MAML2: variants seen among roughly 807,000 people sequenced by gnomAD.
MAML2 encodes the protein mastermind-like protein 2.
MAML2 carries 22 observed loss-of-function variants against 96.1 expected under a neutral mutation model. That is an observed-to-expected ratio of 0.23 (90% CI 0.16 to 0.33). The LOEUF is 0.33. MAML2 is among the 10% of genes least tolerant of loss of function. The pLI is 1.00. For missense variants in MAML2, 1,367 were observed against 1,392.4 expected (o/e 0.98, Z 0.29); for synonymous variants, 561 against 521.3 (o/e 1.08, Z -1.04).
chr11:96,212,477 A>G (rs1007691900), intron 1 of MAML2, among the ~76,000 whole-genome samples: 1 of 152,198 alleles, frequency 6.6e-6, no homozygotes, highest in Admixed American at 6.5e-5. Flanking sequence ...AAGGCAAAGT[A>G]ATGGCAAAAA....
chr11:96,231,355 C>T (rs7938889), intron 1 of MAML2, among the ~76,000 whole-genome samples: 72,754 of 151,994 alleles, frequency 0.48, 17,866 homozygotes, highest in Middle Eastern at 0.63. Context: ...TACTGAAATA[C>T]AGTAGATGCT....
At chr11:96,260,475 C>G (rs1275913335) in intron 1 of MAML2, among the ~76,000 whole-genome samples, 3 of 152,120 alleles carry the variant, frequency 2.0e-5, no homozygotes, top group East Asian at 3.9e-4. Flanking sequence ...CAGCATAGTT[C>G]CGGCCAATAA....
intron 1 of MAML2, among the ~76,000 whole-genome samples, chr11:96,174,992 A>G (rs1861360504): frequency 2.0e-5 from 3 of 152,240 alleles, no homozygotes; most frequent in Admixed American, 1.3e-4. Context: ...AGCACTTTGG[A>G]AAACATGGTG....
At chr11:96,088,521 A>G (rs1003800783) in intron 2 of MAML2, among the ~76,000 whole-genome samples, 1 of 152,232 alleles carries the variant, frequency 6.6e-6, no homozygotes, top group Non-Finnish European at 1.5e-5. Flanking sequence ...CATTCATTGC[A>G]TCCCCGTCTT....
chr11:96,067,299 C>T (rs1859261351), intron 2 of MAML2, among the ~76,000 whole-genome samples: 1 of 152,244 alleles, frequency 6.6e-6, no homozygotes, highest in Admixed American at 6.5e-5. Flanking sequence ...TAGCCTGACA[C>T]TCTTTTAAAA....
At chr11:96,025,396 T>TG (rs1474959633) in intron 2 of MAML2, among the ~76,000 whole-genome samples, 4 of 151,940 alleles carry the variant, frequency 2.6e-5, no homozygotes, top group African/African-American at 9.7e-5. Flanking sequence ...TGGGGACTAC[T>TG]GGGGGAGGGG....
chr11:96,267,857 C>T (rs886231561), intron 1 of MAML2, among the ~76,000 whole-genome samples: 1 of 152,198 alleles, frequency 6.6e-6, no homozygotes, highest in African/African-American at 2.4e-5. Flanking sequence ...TTTTTTACAC[C>T]TCTCAGGACC....
At chr11:96,185,376 A>T (rs575883674) in intron 1 of MAML2, among the ~76,000 whole-genome samples, 1 of 152,168 alleles carries the variant, frequency 6.6e-6, no homozygotes, top group Non-Finnish European at 1.5e-5. Flanking sequence ...TTCTCTCTTT[A>T]TAGCCTGTTT....
chr11:96,093,456 G>T lies in MAML2; in HGVS notation c.575C>A (p.Pro192His), dbSNP rs564426425. Residue 192 changes from proline to histidine, a missense_variant, in exon 2 of 5, where the codon CCC (proline) becomes CAC (histidine). Transcript: ENST00000524717. ...AAATGAGTTGTCCACAAAGCCATTG[G>T]GTCGCTTGCTGTTGGCAGGAGATAG... ...VNLSPANSKR[P>H]NGFVDNSFLD... 4.7e-5 allele frequency: 76 copies of T among 1,613,914 alleles called. No homozygotes were observed. The South Asian group carries it at 8.0e-4, about 17-fold the overall frequency.
rs554308015 is a variant in MAML2, at chr11:96,281,406, G to A, written c.513+59977C>T. Among the ~76,000 whole-genome samples the A allele has an allele frequency of 6.6e-5, 10 of 152,248 alleles. No individual in the cohort carries two copies. The South Asian group carries it at 1.9e-3, about 28-fold the overall frequency. On this transcript the variant is annotated intron_variant, in intron 1 of 4. Coordinates refer to ENST00000524717, the MANE Select transcript of MAML2 (RefSeq NM_032427.4). ...TTGGGGTCCAGGTCTGCTCTGGCTG[G>A]GGAGGTGTGGGGAAGCAAGCAGGAA...
rs887118379 is a variant in MAML2 at position 96,270,204 on chromosome 11, CT to C, written c.513+71178del. Among the ~76,000 whole-genome samples, 18 of 108,074 alleles carry C rather than the reference CT, an allele frequency of 1.7e-4. 3 individuals carry two copies. The highest frequency in any genetic ancestry group is 7.4e-4 in the African/African-American group (18 of 24,326). 70.9% of individuals were successfully genotyped at this position (108,074 alleles called of 152,430 possible). A position where few individuals can be genotyped will look rare whatever the true frequency, so the allele number is the denominator to read the frequency against. On this transcript the variant is annotated intron_variant, in intron 1 of 4. Coordinates refer to ENST00000524717, the MANE Select transcript of MAML2 (RefSeq NM_032427.4). ...AGACTTGGCATCTAGGTTGATTACT[CT>C]TTTTTTAAACCTTACATCCTATCCA...
intron 1 of MAML2, among the ~76,000 whole-genome samples, chr11:96,209,344 A>T (rs1190166274): frequency 1.3e-5 from 2 of 152,070 alleles, no homozygotes; most frequent in African/African-American, 4.8e-5. Context: ...CTAGGGATCA[A>T]ATATCAAGAA....
At chr11:95,987,443 T>TCCCAAAGCAATCTCAA (rs1297305223) in intron 3 of MAML2, among the ~76,000 whole-genome samples, 15 of 152,318 alleles carry the variant, frequency 9.8e-5, no homozygotes, top group African/African-American at 3.6e-4. Flanking sequence ...TTCACTGCAA[T>TCCCAAAGCAATCTCAA]TTTGTATGCA....
intron 1 of MAML2, among the ~76,000 whole-genome samples, chr11:96,266,855 A>G (rs532222124): frequency 1.3e-5 from 2 of 152,308 alleles, no homozygotes; most frequent in East Asian, 3.9e-4. Flanking sequence ...GTTAATAATG[A>G]GCCCCTTCTG....
At chr11:96,147,967 T>A (rs141977845) in intron 1 of MAML2, among the ~76,000 whole-genome samples, 57 of 152,314 alleles carry the variant, frequency 3.7e-4, no homozygotes, top group African/African-American at 1.3e-3. Context: ...TTAGGCATAA[T>A]GAAAATGAGG....
At chr11:96,077,589 G>A (rs1183352544) in intron 2 of MAML2, among the ~76,000 whole-genome samples, 1 of 152,096 alleles carries the variant, frequency 6.6e-6, no homozygotes, top group African/African-American at 2.4e-5. Context: ...TATATATGTG[G>A]GTCGAAACTT....
At chr11:96,002,892 T>A in intron 2 of MAML2, among the ~76,000 whole-genome samples, 1 of 133,194 alleles carries the variant, frequency 7.5e-6, no homozygotes, top group Admixed American at 7.8e-5. Flanking sequence ...ATGAGGAGGA[T>A]GATGGGGATG....
chr11:96,120,492 C>T (rs1024148390), intron 1 of MAML2, among the ~76,000 whole-genome samples: 2 of 152,290 alleles, frequency 1.3e-5, no homozygotes, highest in African/African-American at 2.4e-5. Flanking sequence ...CCTGACAGAT[C>T]GCACCACGGT....
rs142284798 is a variant in MAML2 at position 96,330,150 on chromosome 11, A to G, written c.513+11233T>C. On this transcript the variant is annotated intron_variant, in intron 1 of 4. Coordinates refer to ENST00000524717, the MANE Select transcript of MAML2 (RefSeq NM_032427.4). The stretch of plus-strand genomic sequence containing the variant: ...AATGACAGCATCACCCAGGAGGGAA[A>G]AAATTAATCGCTGTTTAGAGGAACA... Among the ~76,000 whole-genome samples, 1,353 of 152,352 alleles carry G rather than the reference A, an allele frequency of 8.9e-3. 19 individuals carry two copies. Among genetic ancestry groups the G allele is most frequent in the Admixed American group, 0.035 (534 of 15,300 alleles).
Sources: gnomAD v4.1 joint callset for allele counts (sites outside exome capture counted in the v4.1 genomes callset) on GRCh38, gnomAD v4.1.1 for gene constraint, MANE v1.5 for transcripts, NCBI Gene and HGNC (gene_info 2026-07-23, HGNC 2026-07-21) for gene names.